Variants in PIN4 observed in about 807,000 individuals in gnomAD.
PIN4 encodes peptidylprolyl cis/trans isomerase, NIMA-interacting 4.
Under a neutral mutation model 8.3 loss-of-function variants are expected in PIN4, and 3 were observed. The ratio of observed to expected loss-of-function variants is 0.36; its 90% CI spans 0.16 to 0.93. The LOEUF (loss-of-function observed/expected upper bound fraction) is 0.93, where lower values mean the gene tolerates loss of function less well. Among genes scored for constraint, PIN4 ranks in the 40% least tolerant of loss-of-function variants. PIN4 has a pLI of 0.44. For missense variants in PIN4, 75 were observed against 100.6 expected, an observed-to-expected ratio of 0.75 and a Z score of 1.09; for synonymous variants, 18 against 32.5, an observed-to-expected ratio of 0.55 and a Z score of 1.52.
intron 3 of PIN4, among the ~76,000 whole-genome samples, chrX:72,229,093 G>A (rs190406401): frequency 3.9e-4 from 43 of 111,193 alleles, no homozygotes; most frequent in Admixed American, 3.7e-3. Flanking sequence ...TCCCTGCAAC[G>A]CCTCAAGCCT....
chrX:72,259,694 A>G (rs966547915), intron 3 of PIN4, among the ~76,000 whole-genome samples: 45 of 107,770 alleles, frequency 4.2e-4, no homozygotes, highest in African/African-American at 1.2e-3. Flanking sequence ...GGGGTTTTGA[A>G]CACTGGTACT....
intron 3 of PIN4, chrX:72,207,612 C>T: frequency 8.3e-7 from 1 of 1,211,103 alleles, no homozygotes. Context: ...GATCTAAAGA[C>T]ACAAATTTCC....
chrX:72,249,830 AGCACC>A (rs2043080016), intron 3 of PIN4, among the ~76,000 whole-genome samples: 1 of 111,618 alleles, frequency 9.0e-6, no homozygotes, highest in Non-Finnish European at 1.9e-5. Flanking sequence ...TGGTTACACA[AGCACC>A]CACAATATCA....
At chrX:72,230,294 A>AC (rs1225680215) in intron 3 of PIN4, among the ~76,000 whole-genome samples, 1 of 110,481 alleles carries the variant, frequency 9.1e-6, no homozygotes, top group Non-Finnish European at 1.9e-5. Flanking sequence ...CCCCAAGATA[A>AC]CCCCCCTCTG....
At chrX:72,206,602 T>C (rs761435400) in intron 3 of PIN4, 2 of 1,211,356 alleles carry the variant, frequency 1.7e-6, no homozygotes, top group Non-Finnish European at 2.2e-6. Flanking sequence ...TCTAGTTCTT[T>C]GTTGTTCCAT....
chrX:72,204,337 T>C (rs1179816135), intron 3 of PIN4, among the ~76,000 whole-genome samples: 1 of 112,644 alleles, frequency 8.9e-6, no homozygotes, highest in Non-Finnish European at 1.9e-5. Context: ...TATTACCCTT[T>C]GTAGGCAGGC....
At chrX:72,259,721 ATCCTT>A (rs1341030797) in intron 3 of PIN4, among the ~76,000 whole-genome samples, 1 of 93,055 alleles carries the variant, frequency 1.1e-5, no homozygotes, top group African/African-American at 4.0e-5. Flanking sequence ...CAGAGGCCAT[ATCCTT>A]TTTTTTTTTT....
chrX:72,182,417 G>T (rs2042678200), intron 1 of PIN4, among the ~76,000 whole-genome samples: 1 of 110,304 alleles, frequency 9.1e-6, no homozygotes, highest in Non-Finnish European at 1.9e-5. Flanking sequence ...GGTGGTGCGC[G>T]CCCGTAATCC....
intron 2 of PIN4, among the ~76,000 whole-genome samples, chrX:72,196,266 C>T (rs1294071569): frequency 1.8e-5 from 2 of 109,190 alleles, no homozygotes; most frequent in African/African-American, 3.4e-5. Context: ...CCGTGAGCGG[C>T]GGCTCACGCC....
At chrX:72,190,223 C>T (rs2147570008) in intron 2 of PIN4, among the ~76,000 whole-genome samples, 1 of 111,793 alleles carries the variant, frequency 8.9e-6, no homozygotes, top group East Asian at 2.8e-4. Context: ...TTTCTTTTGG[C>T]CACCTCCCTG....
At chrX:72,208,894 CCAG>C (rs1371393998) in intron 3 of PIN4, among the ~76,000 whole-genome samples, 1 of 111,866 alleles carries the variant, frequency 8.9e-6, no homozygotes, top group African/African-American at 3.3e-5. Context: ...CCAGATGCTG[CCAG>C]CAACACCTTC....
intron 3 of PIN4, among the ~76,000 whole-genome samples, chrX:72,245,047 G>T (rs1197815186): frequency 1.4e-5 from 1 of 72,017 alleles, no homozygotes; most frequent in Non-Finnish European, 2.4e-5. Context: ...ACTCCAGCCC[G>T]AGTGACAGAG....
intron 2 of PIN4, among the ~76,000 whole-genome samples, chrX:72,193,783 G>A (rs1165621170): frequency 3.7e-5 from 4 of 108,702 alleles, no homozygotes; most frequent in African/African-American, 1.4e-4. Context: ...AGAGACACAA[G>A]AATCGCTTGA....
chrX:72,206,280 T>C, intron 3 of PIN4: 1 of 1,208,600 alleles, frequency 8.3e-7, no homozygotes, highest in South Asian at 1.8e-5. Flanking sequence ...CCATTCCCAA[T>C]GAAGAGTTAG....
intron 3 of PIN4, among the ~76,000 whole-genome samples, chrX:72,259,699 G>A (rs976239063): frequency 9.3e-6 from 1 of 107,096 alleles, no homozygotes; most frequent in East Asian, 2.9e-4. Flanking sequence ...TTTGAACACT[G>A]GTACTCTGGC....
At chrX:72,191,611 G>C in intron 2 of PIN4, among the ~76,000 whole-genome samples, 1 of 111,681 alleles carries the variant, frequency 9.0e-6, no homozygotes, top group Non-Finnish European at 1.9e-5. Flanking sequence ...ATGCTGCCAG[G>C]GTTAAGAAAC....
chrX:72,248,876 C>CA (rs1398188089), intron 3 of PIN4, among the ~76,000 whole-genome samples: 1 of 105,328 alleles, frequency 9.5e-6, no homozygotes, highest in African/African-American at 3.5e-5. Flanking sequence ...GACTCCATCT[C>CA]AAAAAAAGAA....
At chrX:72,184,852 T>C (rs2147565180) in intron 1 of PIN4, among the ~76,000 whole-genome samples, 1 of 110,918 alleles carries the variant, frequency 9.0e-6, no homozygotes, top group South Asian at 3.8e-4. Context: ...CTTAAAACTT[T>C]TCAATGGCGG....
intron 3 of PIN4, among the ~76,000 whole-genome samples, chrX:72,252,697 G>GT (rs2043092864): frequency 9.0e-6 from 1 of 111,668 alleles, no homozygotes; most frequent in Admixed American, 9.5e-5. Context: ...GTCCCTCCAG[G>GT]TCTTTTCTTA....
Sources: allele counts gnomAD v4.1 joint callset (sites outside exome capture counted in the v4.1 genomes callset), GRCh38; gene constraint gnomAD v4.1.1; transcripts MANE v1.5; gene names NCBI Gene and HGNC (gene_info 2026-07-23, HGNC 2026-07-21).